Variants in PHLPP1 observed in about 807,000 individuals in gnomAD.
PHLPP1 encodes the protein PH domain and leucine rich repeat protein phosphatase 1.
In PHLPP1, 42 loss-of-function variants were observed where a neutral mutation model predicts 117.2. That is an observed-to-expected ratio of 0.36 (90% CI 0.28 to 0.46). The LOEUF (loss-of-function observed/expected upper bound fraction) is 0.46. Ranked by LOEUF, PHLPP1 falls within the 20% of genes least tolerant of loss-of-function variation. PHLPP1 has a pLI of 1.00. For synonymous variants in PHLPP1, 1,042 were observed against 970.7 expected (o/e 1.07, Z -1.37); for missense variants, 2,084 against 2,241.9 (o/e 0.93, Z 1.42).
chr18:62,774,996 T>C (rs1165881318), intron 1 of PHLPP1, among the ~76,000 whole-genome samples: 1 of 152,224 alleles, frequency 6.6e-6, no homozygotes, highest in Non-Finnish European at 1.5e-5. Context: ...CTTTTATTTC[T>C]AAAACTGATT....
In PHLPP1 at chr18:62,716,704, C is replaced by A; in HGVS notation, c.1021C>A (p.Arg341=). ...GGPVSSPRAP[R]PVVSDTESFS... ...CCCTGTCTCTTCGCCCCGCGCCCCACGGCCTGTGGTCTCCGACACCGAGAG... is the reference window on the plus strand; with the variant it reads ...CCCTGTCTCTTCGCCCCGCGCCCCAAGGCCTGTGGTCTCCGACACCGAGAG... The change falls in exon 1 of 17, where the codon CGG becomes AGG. Residue 341 remains arginine (R), a synonymous_variant. Transcript: ENST00000262719. The surrounding 1 kb of genome is among the most constrained non-coding windows in gnomAD (Gnocchi z 5.7). 6.7e-7 allele frequency: 1 copy of A among 1,483,138 alleles called. No homozygotes were observed. Among genetic ancestry groups the A allele is most frequent in the Non-Finnish European group, 8.9e-7 (1 of 1,119,602 alleles). 91.9% of individuals were successfully genotyped at this position (1,483,138 alleles called of 1,614,324 possible).
In PHLPP1 at chr18:62,820,789, A is replaced by G. The variant is rs1325966076; in HGVS notation, c.1577-9246A>G. On this transcript the variant is annotated intron_variant, in intron 1 of 16. Coordinates refer to ENST00000262719, the MANE Select transcript of PHLPP1 (RefSeq NM_194449.4). Reference sequence around the variant, plus strand: ...CAGTATGAAAACTAATACAAACATTAACCAAGATAGACTGTATTTTACACT... The same window carrying G: ...CAGTATGAAAACTAATACAAACATTGACCAAGATAGACTGTATTTTACACT... Among the ~76,000 whole-genome samples, 3 of 152,240 alleles carry G rather than the reference A, an allele frequency of 2.0e-5. No homozygotes were observed. The East Asian group carries it at 5.8e-4, about 29-fold the overall frequency.
At chr18:62,835,873 C>T (rs916000873) in intron 2 of PHLPP1, among the ~76,000 whole-genome samples, 50 of 149,204 alleles carry the variant, frequency 3.4e-4, no homozygotes, top group Non-Finnish European at 5.3e-4. Flanking sequence ...CTCCACCTCC[C>T]GGGTTCAAGC....
At chr18:62,925,671 G>A (rs1016539335) in intron 10 of PHLPP1, among the ~76,000 whole-genome samples, 21 of 150,262 alleles carry the variant, frequency 1.4e-4, no homozygotes, top group South Asian at 4.1e-4. Context: ...TTTCAGTGAC[G>A]AGGGCTATCT....
At chr18:62,723,801 G>A (rs899997048) in intron 1 of PHLPP1, among the ~76,000 whole-genome samples, 10 of 152,154 alleles carry the variant, frequency 6.6e-5, no homozygotes, top group African/African-American at 2.4e-4. Context: ...TGAGAGTTGG[G>A]AAACTTGGCA....
At chr18:62,722,920 A>C (rs1910966823) in intron 1 of PHLPP1, among the ~76,000 whole-genome samples, 1 of 152,244 alleles carries the variant, frequency 6.6e-6, no homozygotes, top group South Asian at 2.1e-4. Context: ...TACTGGATTA[A>C]TGAAGTGTTG....
chr18:62,886,375 C>T (rs567164176), intron 4 of PHLPP1, among the ~76,000 whole-genome samples: 15 of 152,308 alleles, frequency 9.8e-5, no homozygotes, highest in African/African-American at 3.4e-4. Flanking sequence ...TTGCCTCAAG[C>T]TCCTGGGCTC....
intron 6 of PHLPP1, among the ~76,000 whole-genome samples, chr18:62,897,806 C>T (rs1916602899): frequency 1.3e-5 from 2 of 152,180 alleles, no homozygotes; most frequent in Non-Finnish European, 2.9e-5. Flanking sequence ...CACACCCAGC[C>T]TAATTCTGCC....
At chr18:62,828,810 C>T (rs1165452435) in intron 1 of PHLPP1, among the ~76,000 whole-genome samples, 1 of 152,088 alleles carries the variant, frequency 6.6e-6, no homozygotes, top group Non-Finnish European at 1.5e-5. Flanking sequence ...GCAACTAGTC[C>T]AACTTCTAAA....
intron 16 of PHLPP1, among the ~76,000 whole-genome samples, chr18:62,976,959 G>A (rs764492513): frequency 2.2e-4 from 34 of 152,308 alleles, no homozygotes; most frequent in Admixed American, 4.6e-4. Context: ...GGAGCCCATG[G>A]TGGAAGCTTC....
intron 6 of PHLPP1, among the ~76,000 whole-genome samples, chr18:62,899,014 G>A (rs531149239): frequency 6.6e-6 from 1 of 152,062 alleles, no homozygotes; most frequent in South Asian, 2.1e-4. Context: ...TGGCCAGGTT[G>A]GTCTCAAACT....
chr18:62,825,596 G>A (rs2144326965), intron 1 of PHLPP1: 1 of 151,718 alleles, frequency 6.6e-6, no homozygotes, highest in African/African-American at 2.4e-5. Context: ...GATTAGCTGG[G>A]ACTACAGGTG....
At chr18:62,818,871 A>G (rs1293727198) in intron 1 of PHLPP1, among the ~76,000 whole-genome samples, 1 of 152,186 alleles carries the variant, frequency 6.6e-6, no homozygotes, top group African/African-American at 2.4e-5. Context: ...CCGTTTGCCA[A>G]TTTCCATGCT....
chr18:62,727,161 A>C (rs896595972), intron 1 of PHLPP1, among the ~76,000 whole-genome samples: 1 of 150,744 alleles, frequency 6.6e-6, no homozygotes, highest in African/African-American at 2.4e-5. Context: ...CTGGGAGGTG[A>C]AGGTTGCAGT....
At chr18:62,836,397 A>G (rs1914897776) in intron 2 of PHLPP1, among the ~76,000 whole-genome samples, 1 of 151,418 alleles carries the variant, frequency 6.6e-6, no homozygotes, top group Non-Finnish European at 1.5e-5. Flanking sequence ...GTGCCACTGC[A>G]CTGCAGCCTG....
intron 1 of PHLPP1, among the ~76,000 whole-genome samples, chr18:62,730,485 T>G (rs1047710388): frequency 2.6e-5 from 4 of 152,016 alleles, no homozygotes; most frequent in Non-Finnish European, 5.9e-5. Context: ...TCCTTCAGCC[T>G]CATTTATTAG....
chr18:62,921,383 A>G (rs562703976), intron 10 of PHLPP1, among the ~76,000 whole-genome samples: 1 of 152,338 alleles, frequency 6.6e-6, no homozygotes, highest in African/African-American at 2.4e-5. Flanking sequence ...AGCATGTGTC[A>G]TATTATGTGG....
At chr18:62,838,711 G>A (rs777327228) in intron 2 of PHLPP1, 73 bp from the exon 3 acceptor site, 420 of 1,476,070 alleles carry the variant, frequency 2.8e-4, no homozygotes, top group Middle Eastern at 8.8e-4. Flanking sequence ...CTTGATCAGA[G>A]GCATAGTTAG....
At chr18:62,772,494 C>T (rs1209453401) in intron 1 of PHLPP1, among the ~76,000 whole-genome samples, 1 of 152,018 alleles carries the variant, frequency 6.6e-6, no homozygotes, top group African/African-American at 2.4e-5. Flanking sequence ...CCAGTAGACC[C>T]ATCTGGCTTG....
Sources: allele counts gnomAD v4.1 joint callset (sites outside exome capture counted in the v4.1 genomes callset), GRCh38; gene constraint gnomAD v4.1.1; non-coding constraint Gnocchi (gnomAD v3.1); transcripts MANE v1.5; gene names NCBI Gene and HGNC (gene_info 2026-07-23, HGNC 2026-07-21).